Variants in TGFBR3 observed in about 807,000 individuals in gnomAD.
TGFBR3 encodes the protein transforming growth factor beta receptor type 3.
In TGFBR3, 46 loss-of-function variants were observed where a neutral mutation model predicts 87.9. That is an observed-to-expected ratio of 0.52 (90% confidence interval 0.41 to 0.67). TGFBR3 has a LOEUF of 0.67. Among genes scored for constraint, TGFBR3 ranks in the 30% least tolerant of loss-of-function variants. The pLI, the probability that TGFBR3 is intolerant of heterozygous loss-of-function variation, is 0.00. For missense variants in TGFBR3, 866 were observed against 1,041.9 expected (o/e 0.83, Z 2.32); for synonymous variants, 381 against 391.6 (o/e 0.97, Z 0.32).
At chr1:91,843,133 T>C (rs978618009) in intron 2 of TGFBR3, among the ~76,000 whole-genome samples, 5 of 152,260 alleles carry the variant, frequency 3.3e-5, no homozygotes, top group Non-Finnish European at 5.9e-5. Flanking sequence ...AAAAGACTGA[T>C]TAAATATGTC....
Position 91,682,932 on chromosome 1 carries a change from G to T in TGFBR3, c.*807C>A. 4.4e-6 allele frequency: 2 copies of T among 454,078 alleles called. No individual in the cohort carries two copies. Among genetic ancestry groups the T allele is most frequent in the Non-Finnish European group, 8.8e-6 (2 of 226,474 alleles). The allele number at this position is 454,078 out of a possible 1,614,324, so 28.1% of individuals were successfully genotyped here. A position where few individuals can be genotyped will look rare whatever the true frequency, so the allele number is the denominator to read the frequency against. Reference sequence around the variant, plus strand: ...ACCTCAAATTATACATTAATTTGCAGAACAAAATATTAGGAATGGGCACAA... The same window carrying T: ...ACCTCAAATTATACATTAATTTGCATAACAAAATATTAGGAATGGGCACAA... On this transcript the variant is annotated 3_prime_UTR_variant, in exon 17 of 17. Transcript: ENST00000212355.
intron 1 of TGFBR3, among the ~76,000 whole-genome samples, chr1:91,902,363 C>G (rs1304774173): frequency 2.0e-5 from 3 of 151,756 alleles, no homozygotes; most frequent in Non-Finnish European, 4.4e-5. Context: ...ACTGCAGCCT[C>G]AAACTCTCGG....
intron 3 of TGFBR3, among the ~76,000 whole-genome samples, chr1:91,763,968 G>T (rs909267200): frequency 6.6e-5 from 10 of 152,128 alleles, no homozygotes; most frequent in Non-Finnish European, 1.5e-4. Context: ...TATTTTTAGA[G>T]AACTGGGTGT....
chr1:91,846,356 G>A (rs1677499994), intron 2 of TGFBR3, among the ~76,000 whole-genome samples: 1 of 152,178 alleles, frequency 6.6e-6, no homozygotes, highest in Non-Finnish European at 1.5e-5. Flanking sequence ...TATTTCTAGA[G>A]CTAATTAAGC....
At chr1:91,901,193 A>C (rs1410928330) in intron 1 of TGFBR3, among the ~76,000 whole-genome samples, 2 of 152,202 alleles carry the variant, frequency 1.3e-5, no homozygotes, top group African/African-American at 4.8e-5. Flanking sequence ...TTGTTTTTAA[A>C]ATAATCATAT....
chr1:91,884,261 A>G (rs1209327441), intron 1 of TGFBR3, among the ~76,000 whole-genome samples: 1 of 151,772 alleles, frequency 6.6e-6, no homozygotes, highest in Non-Finnish European at 1.5e-5. Flanking sequence ...TGGAGGTTGC[A>G]GTGAGCCGAG....
At position 91,855,077 on chromosome 1, in the gene TGFBR3, C is replaced by A. The variant is rs190857687; in HGVS notation, c.61+6394G>T. ...ATCTCAGCTTGCTCTCCCACAGACA[C>A]AAAGAGTTCAGAGCTTTCTGAGCAG... is the stretch of plus-strand genomic sequence containing the variant. On this transcript the variant is annotated intron_variant, in intron 2 of 16. Coordinates refer to ENST00000212355, the MANE Select transcript of TGFBR3 (RefSeq NM_003243.5). Among the ~76,000 whole-genome samples, 11 of 152,304 alleles carry A rather than the reference C, an allele frequency of 7.2e-5. No homozygotes were observed. The East Asian group carries it at 2.1e-3, about 29-fold the overall frequency.
chr1:91,818,277 CCTTTTTTTTTTTTTTTTTTTTTTTTT>C (rs1676312998), intron 2 of TGFBR3, among the ~76,000 whole-genome samples: 3 of 123,140 alleles, frequency 2.4e-5, no homozygotes, highest in African/African-American at 2.9e-5. Context: ...TTAGCCCCAG[CCTTTTTTTTTTTTTTTTTTTTTTTTT>C]TTTTTTTTTT....
At chr1:91,830,101 G>C (rs1001626973) in intron 2 of TGFBR3, 7 of 152,208 alleles carry the variant, frequency 4.6e-5, no homozygotes, top group African/African-American at 1.7e-4. Context: ...TTTTCAAAAA[G>C]CTAGATCTTT....
At chr1:91,839,588 A>G (rs1677191848) in intron 2 of TGFBR3, among the ~76,000 whole-genome samples, 1 of 152,206 alleles carries the variant, frequency 6.6e-6, no homozygotes, top group African/African-American at 2.4e-5. Flanking sequence ...AAAAGAGGAC[A>G]TCACCTCTAT....
intron 3 of TGFBR3, among the ~76,000 whole-genome samples, chr1:91,773,642 A>G (rs955057528): frequency 3.9e-5 from 6 of 152,230 alleles, no homozygotes; most frequent in African/African-American, 1.4e-4. Flanking sequence ...AGATCGCGCC[A>G]CTGCACTCCA....
At chr1:91,698,336 A>G (rs946779554) in intron 14 of TGFBR3, among the ~76,000 whole-genome samples, 2 of 152,160 alleles carry the variant, frequency 1.3e-5, no homozygotes, top group Non-Finnish European at 2.9e-5. Flanking sequence ...AATCAGTTGC[A>G]TAGGCTCTCC....
intron 1 of TGFBR3, among the ~76,000 whole-genome samples, chr1:91,871,292 C>T (rs1352400477): frequency 1.3e-5 from 2 of 152,182 alleles, no homozygotes; most frequent in East Asian, 3.9e-4. Context: ...AGATCTGGCA[C>T]AAGGGACAAA....
At chr1:91,777,848 G>A (rs911345975) in intron 3 of TGFBR3, among the ~76,000 whole-genome samples, 4 of 152,086 alleles carry the variant, frequency 2.6e-5, no homozygotes, top group African/African-American at 7.2e-5. Flanking sequence ...GCTTTGCACC[G>A]GTGCCCAGTT....
intron 4 of TGFBR3, among the ~76,000 whole-genome samples, chr1:91,745,149 C>T (rs966086617): frequency 2.6e-5 from 4 of 152,210 alleles, no homozygotes; most frequent in Admixed American, 2.0e-4. Context: ...CAACTGCACA[C>T]ATGTCCGTGA....
chr1:91,770,716 T>C (rs1213266062), intron 3 of TGFBR3: 1 of 152,230 alleles, frequency 6.6e-6, no homozygotes, highest in Non-Finnish European at 1.5e-5. Context: ...ACCTCTGTTA[T>C]GTTGGCAGTA....
At chr1:91,899,961 AAAAAC>A (rs1279448395) in intron 1 of TGFBR3, among the ~76,000 whole-genome samples, 1 of 152,136 alleles carries the variant, frequency 6.6e-6, no homozygotes, top group Non-Finnish European at 1.5e-5. Context: ...ACCTGTCTCT[AAAAAC>A]AAAACAAAAC....
intron 2 of TGFBR3, among the ~76,000 whole-genome samples, chr1:91,823,872 G>A (rs1571546666): frequency 6.6e-6 from 1 of 152,228 alleles, no homozygotes; most frequent in African/African-American, 2.4e-5. Flanking sequence ...GCTCACGCCT[G>A]TAATCCCAAA....
At chr1:91,769,680 T>C (rs1674307108) in intron 3 of TGFBR3, among the ~76,000 whole-genome samples, 1 of 152,012 alleles carries the variant, frequency 6.6e-6, no homozygotes, top group South Asian at 2.1e-4. Flanking sequence ...CTGAAGGGGA[T>C]GCCCTGTTTC....
Sources: allele counts gnomAD v4.1 joint callset (sites outside exome capture counted in the v4.1 genomes callset), GRCh38; gene constraint gnomAD v4.1.1; transcripts MANE v1.5; gene names NCBI Gene and HGNC (gene_info 2026-07-23, HGNC 2026-07-21).